The following CCDC30 variants were observed in gnomAD, a reference collection of about 807,000 sequenced individuals.
CCDC30 encodes the protein coiled-coil domain containing 30, also known as coiled-coil domain-containing protein 30.
In CCDC30, 70 loss-of-function variants were observed where a neutral mutation model predicts 100.2. That is an observed-to-expected ratio of 0.70 (90% CI 0.58 to 0.85). The LOEUF is 0.85. CCDC30 is among the 40% of genes least tolerant of loss of function. The pLI, the probability that CCDC30 is intolerant of heterozygous loss-of-function variation, is 0.00. For synonymous variants in CCDC30, 233 were observed against 269.5 expected, an observed-to-expected ratio of 0.86 and a Z score of 1.33; for missense variants, 652 against 771.2, an observed-to-expected ratio of 0.85 and a Z score of 1.83.
upstream of CCDC30, chr1:42,459,538 C>T: frequency 7.6e-7 from 1 of 1,315,880 alleles, no homozygotes; most frequent in Non-Finnish European, 1.1e-6. Flanking sequence ...CTTAGTTTCC[C>T]ATGAGATTGA....
intron 10 of CCDC30, chr1:42,593,954 T>A (rs544076272): frequency 1.3e-5 from 2 of 152,092 alleles, no homozygotes; most frequent in East Asian, 3.9e-4. Context: ...AAGAGTGGGG[T>A]CATGTTGAGT....
At chr1:42,488,605 C>T (rs556967893) in intron 3 of CCDC30, among the ~76,000 whole-genome samples, 1 of 152,222 alleles carries the variant, frequency 6.6e-6, no homozygotes, top group Non-Finnish European at 1.5e-5. Flanking sequence ...TGTGCCCAAC[C>T]CCAGAAAGCT....
chr1:42,629,116 AGT>A (rs1253042018), intron 11 of CCDC30, among the ~76,000 whole-genome samples: 2 of 152,244 alleles, frequency 1.3e-5, no homozygotes, highest in Non-Finnish European at 2.9e-5. Flanking sequence ...TACTATTACC[AGT>A]GAGTCTTATA....
At chr1:42,641,884 A>G (rs1335899556) in intron 12 of CCDC30, among the ~76,000 whole-genome samples, 2 of 151,976 alleles carry the variant, frequency 1.3e-5, no homozygotes, top group African/African-American at 4.8e-5. Flanking sequence ...CAAACAAAAA[A>G]CAACATGATC....
At chr1:42,577,988 A>G (rs1645877757) in intron 8 of CCDC30, among the ~76,000 whole-genome samples, 1 of 152,190 alleles carries the variant, frequency 6.6e-6, no homozygotes, top group African/African-American at 2.4e-5. Flanking sequence ...GATCAGGGTA[A>G]TTATCATATT....
chr1:42,502,837 A>G (rs1644341696), intron 6 of CCDC30, among the ~76,000 whole-genome samples: 1 of 152,186 alleles, frequency 6.6e-6, no homozygotes, highest in African/African-American at 2.4e-5. Flanking sequence ...TAATGTTTTC[A>G]AAGTTCATAT....
chr1:42,568,476 G>A (rs1366792357), intron 7 of CCDC30, among the ~76,000 whole-genome samples: 1 of 152,144 alleles, frequency 6.6e-6, no homozygotes, highest in Non-Finnish European at 1.5e-5. Context: ...TTATGGATGA[G>A]GAAACTGTTC....
At chr1:42,633,012 G>A (rs987367734) in intron 11 of CCDC30, among the ~76,000 whole-genome samples, 6 of 151,990 alleles carry the variant, frequency 3.9e-5, no homozygotes, top group African/African-American at 1.2e-4. Flanking sequence ...GTTTCACCGT[G>A]TTGGCCAGGC....
At chr1:42,639,528 C>G (rs1167375654) in intron 12 of CCDC30, among the ~76,000 whole-genome samples, 1 of 152,146 alleles carries the variant, frequency 6.6e-6, no homozygotes, top group East Asian at 1.9e-4. Flanking sequence ...CTGGAGCTCC[C>G]AAATAAGCAG....
chr1:42,603,432 C>T lies in CCDC30; in HGVS notation c.1165-7546C>T, dbSNP rs540120684. ...ATAGGAATTTTGGAGGGAACACCAT[C>T]ATTCAAACCATGGCAAATGCGTAAA... On this transcript the variant is annotated intron_variant, in intron 10 of 16. Transcript: ENST00000668663. Among the ~76,000 whole-genome samples the T allele has an allele frequency of 5.3e-5, 8 of 152,302 alleles. No homozygotes were observed. The South Asian group carries it at 1.4e-3, about 28-fold the overall frequency.
At chr1:42,568,322 C>T (rs916260135) in intron 7 of CCDC30, among the ~76,000 whole-genome samples, 2 of 152,102 alleles carry the variant, frequency 1.3e-5, no homozygotes, top group African/African-American at 4.8e-5. Flanking sequence ...ACCATGTTGG[C>T]CAGGCTGATC....
intron 6 of CCDC30, among the ~76,000 whole-genome samples, chr1:42,538,795 G>A (rs534725573): frequency 1.1e-4 from 17 of 152,242 alleles, no homozygotes; most frequent in South Asian, 8.3e-4. Flanking sequence ...ATAGCACTTT[G>A]TTCTATAAAT....
In CCDC30 at chr1:42,497,233, T is replaced by A; in HGVS notation, c.357+20T>A. 1 of 1,177,182 alleles carries A rather than the reference T, an allele frequency of 8.5e-7. No individual in the cohort carries two copies. Among genetic ancestry groups the A allele is most frequent in the Non-Finnish European group, 1.1e-6 (1 of 936,026 alleles). 72.9% of individuals were successfully genotyped at this position (1,177,182 alleles called of 1,614,324 possible). Reference sequence around the variant, plus strand: ...GAAATGGTAAGTTTAATTTACTTCTTAGAACGTATTTAAATGTGTCTACCA... The same window carrying A: ...GAAATGGTAAGTTTAATTTACTTCTAAGAACGTATTTAAATGTGTCTACCA... On this transcript the variant is annotated intron_variant, in intron 5 of 16. Coordinates refer to ENST00000668663, the Ensembl canonical transcript of CCDC30.
At chr1:42,647,157 G>A (rs1384597933) in intron 15 of CCDC30, among the ~76,000 whole-genome samples, 4 of 151,990 alleles carry the variant, frequency 2.6e-5, no homozygotes, top group East Asian at 3.9e-4. Context: ...GTAGCTGAAT[G>A]GATAAAGAAA....
At chr1:42,489,916 G>A (rs1352727987) in intron 3 of CCDC30, 1 of 231,090 alleles carries the variant, frequency 4.3e-6, no homozygotes, top group Non-Finnish European at 8.3e-6. Context: ...ATCTGATGGA[G>A]GAAACTATTA....
At chr1:42,610,887 T>TTG (rs1491054090) in intron 10 of CCDC30, 91 bp from the exon 15 acceptor site, 1 of 275,366 alleles carries the variant, frequency 3.6e-6, no homozygotes, top group East Asian at 6.1e-5. Context: ...CTATAAGCTT[T>TTG]TTTTTTTTTT....
upstream of CCDC30, chr1:42,459,817 C>T: frequency 6.2e-7 from 1 of 1,614,028 alleles, no homozygotes; most frequent in Non-Finnish European, 8.5e-7. Flanking sequence ...GACTCGGAAA[C>T]CAAGTTATTG....
chr1:42,550,478 ACCT>A (rs1468501781), intron 6 of CCDC30, among the ~76,000 whole-genome samples: 1 of 151,578 alleles, frequency 6.6e-6, no homozygotes, highest in East Asian at 1.9e-4. Flanking sequence ...GCCTCTACCT[ACCT>A]CCTCCTCATC....
At chr1:42,532,778 AT>A (rs1644826724) in intron 6 of CCDC30, among the ~76,000 whole-genome samples, 2 of 151,968 alleles carry the variant, frequency 1.3e-5, no homozygotes, top group South Asian at 4.1e-4. Flanking sequence ...TTATTTATTT[AT>A]TTTTTGAGAC....
Sources: gnomAD v4.1 joint callset for allele counts (sites outside exome capture counted in the v4.1 genomes callset) on GRCh38, gnomAD v4.1.1 for gene constraint, MANE v1.5 for transcripts, NCBI Gene and HGNC (gene_info 2026-07-23, HGNC 2026-07-21) for gene names.